The following CDH13 variants were observed in gnomAD, a reference collection of about 807,000 sequenced individuals.
CDH13 encodes the protein cadherin 13.
A neutral mutation model predicts 63.8 loss-of-function variants in CDH13; 24 were observed. That is an observed-to-expected ratio of 0.38 (90% confidence interval 0.27 to 0.53). CDH13 has a LOEUF of 0.53. Among genes scored for constraint, CDH13 ranks in the 20% least tolerant of loss-of-function variants. The probability of loss-of-function intolerance (pLI) is 0.85; values close to 1 mark genes in which losing one functional copy is unlikely to be tolerated. For missense variants in CDH13, 1,049 were observed against 903.1 expected (o/e 1.16, Z -2.07); for synonymous variants, 503 against 355.3 (o/e 1.42, Z -4.67).
At chr16:82,636,340 G>C (rs949555754) in intron 1 of CDH13, among the ~76,000 whole-genome samples, 2 of 152,020 alleles carry the variant, frequency 1.3e-5, no homozygotes, top group African/African-American at 4.8e-5. Context: ...GGCACCTAAG[G>C]CCTGCATTAC....
intron 5 of CDH13, among the ~76,000 whole-genome samples, chr16:83,226,321 T>C (rs1390284515): frequency 6.6e-6 from 1 of 152,212 alleles, no homozygotes; most frequent in Non-Finnish European, 1.5e-5. Flanking sequence ...TGACTGATTA[T>C]TTATTTGGTC....
In CDH13 at chr16:83,031,239, A is replaced by G. The variant is rs540634674; in HGVS notation, c.158-771A>G. 1.9e-4 allele frequency among the ~76,000 whole-genome samples: 28 copies of G among 146,384 alleles called. 1 individual carries two copies. The highest frequency in any genetic ancestry group is 6.7e-4 in the African/African-American group (27 of 40,176). On this transcript the variant is annotated intron_variant, in intron 2 of 13. Transcript: ENST00000567109. ...ATATACATGCGCATGTATACACCATATACATGCGCATGTATACACCATATA... is the reference window on the plus strand; with the variant it reads ...ATATACATGCGCATGTATACACCATGTACATGCGCATGTATACACCATATA...
At chr16:83,300,739 T>C (rs1312017494) in intron 5 of CDH13, among the ~76,000 whole-genome samples, 1 of 152,240 alleles carries the variant, frequency 6.6e-6, no homozygotes, top group East Asian at 1.9e-4. Context: ...GAAAAGGTTA[T>C]AGATCATGAT....
At chr16:83,548,925 T>G (rs891870830) in intron 7 of CDH13, among the ~76,000 whole-genome samples, 50 of 152,332 alleles carry the variant, frequency 3.3e-4, no homozygotes, top group African/African-American at 1.2e-3. Context: ...GAATTTCATC[T>G]GAGTATTTTC....
chr16:83,136,373 C>G (rs2036285816), intron 4 of CDH13, among the ~76,000 whole-genome samples: 1 of 151,080 alleles, frequency 6.6e-6, no homozygotes, highest in East Asian at 2.0e-4. Flanking sequence ...GTAGTCCCAG[C>G]TACTCGGGAG....
At position 82,679,433 on chromosome 16, in the gene CDH13, C is replaced by T. The variant is rs542446262; in HGVS notation, c.45+52296C>T. Among the ~76,000 whole-genome samples, 3 of 152,286 alleles carry T rather than the reference C, an allele frequency of 2.0e-5. No individual in the cohort carries two copies. The South Asian group carries it at 6.2e-4, about 32-fold the overall frequency. ...ACTTTCAAAGGTTTGCAAAGATTTA[C>T]CTCCTACTAAAATGGCTTGTGAGCA... is the stretch of plus-strand genomic sequence containing the variant. On this transcript the variant is annotated intron_variant, in intron 1 of 13. Coordinates refer to ENST00000567109, the MANE Select transcript of CDH13 (RefSeq NM_001257.5).
intron 5 of CDH13, among the ~76,000 whole-genome samples, chr16:83,303,431 A>G (rs2089797210): frequency 1.3e-5 from 2 of 152,182 alleles, no homozygotes; most frequent in Admixed American, 1.3e-4. Context: ...GGGGGAATGA[A>G]TAAGCCCAGT....
chr16:82,947,856 C>A (rs745807199), intron 2 of CDH13, among the ~76,000 whole-genome samples: 3 of 152,084 alleles, frequency 2.0e-5, no homozygotes, highest in Non-Finnish European at 2.9e-5. Context: ...GAAACCCTGA[C>A]AAGAATGAGT....
intron 3 of CDH13, among the ~76,000 whole-genome samples, chr16:83,067,289 G>A (rs375548442): frequency 5.8e-4 from 89 of 152,206 alleles, no homozygotes; most frequent in African/African-American, 1.8e-3. Flanking sequence ...AGTGGTTAAC[G>A]GCACGGGCTG....
intron 5 of CDH13, among the ~76,000 whole-genome samples, chr16:83,219,871 T>G (rs981916054): frequency 1.3e-5 from 2 of 152,220 alleles, no homozygotes; most frequent in Non-Finnish European, 2.9e-5. Context: ...TTCTAGTTCT[T>G]TGTTTCGGAA....
rs756869425 is a variant in CDH13, at chr16:83,241,185, A to G, written c.636+23688A>G. 4.4e-4 allele frequency among the ~76,000 whole-genome samples: 67 copies of G among 152,310 alleles called. 1 individual carries two copies. The highest frequency in any genetic ancestry group is 3.4e-3 in the Admixed American group (52 of 15,300). The stretch of plus-strand genomic sequence containing the variant: ...TTTTCTTCTTTTTCAAGAATGCATC[A>G]TAGTTCATTGTGTGGATATACCACA... On this transcript the variant is annotated intron_variant, in intron 5 of 13. Transcript: ENST00000567109.
chr16:83,701,041 T>A (rs1906143765), intron 10 of CDH13, among the ~76,000 whole-genome samples: 1 of 152,204 alleles, frequency 6.6e-6, no homozygotes, highest in Non-Finnish European at 1.5e-5. Flanking sequence ...GGCCCTGAGC[T>A]GGGGGATTCT....
chr16:82,839,255 G>C (rs1443813673), intron 1 of CDH13, among the ~76,000 whole-genome samples: 1 of 152,186 alleles, frequency 6.6e-6, no homozygotes, highest in Non-Finnish European at 1.5e-5. Flanking sequence ...TTTGGGTCTG[G>C]AAATTGTTTC....
intron 1 of CDH13, among the ~76,000 whole-genome samples, chr16:82,685,452 C>T (rs545413481): frequency 5.3e-5 from 8 of 152,168 alleles, no homozygotes; most frequent in Non-Finnish European, 1.2e-4. Context: ...ACACTATCAC[C>T]TTGGGGGTTA....
chr16:82,789,568 A>G (rs966273827), intron 1 of CDH13, among the ~76,000 whole-genome samples: 2 of 152,192 alleles, frequency 1.3e-5, no homozygotes, highest in East Asian at 1.9e-4. Context: ...TTCAAAGGCC[A>G]TTCTGGGCTG....
chr16:83,351,842 G>C (rs1422479220), intron 6 of CDH13, among the ~76,000 whole-genome samples: 1 of 152,202 alleles, frequency 6.6e-6, no homozygotes, highest in Non-Finnish European at 1.5e-5. Flanking sequence ...GCTTGTTCAT[G>C]CAGCAGGATA....
chr16:82,947,621 C>T (rs867811680), intron 2 of CDH13, among the ~76,000 whole-genome samples: 19 of 152,140 alleles, frequency 1.2e-4, no homozygotes, highest in Non-Finnish European at 2.5e-4. Context: ...AAGGAGGAAA[C>T]TTAACAAATT....
At chr16:83,082,748 G>A (rs760055545) in intron 3 of CDH13, among the ~76,000 whole-genome samples, 28 of 152,246 alleles carry the variant, frequency 1.8e-4, no homozygotes, top group Non-Finnish European at 4.0e-4. Context: ...GGCTGTAGAA[G>A]TAAGTACAGA....
At chr16:83,281,225 A>G (rs1248001193) in intron 5 of CDH13, among the ~76,000 whole-genome samples, 1 of 152,222 alleles carries the variant, frequency 6.6e-6, no homozygotes, top group Non-Finnish European at 1.5e-5. Flanking sequence ...TGCAGCTTCT[A>G]TATCAGCACT....
Sources: allele counts gnomAD v4.1 joint callset (sites outside exome capture counted in the v4.1 genomes callset), GRCh38; gene constraint gnomAD v4.1.1; transcripts MANE v1.5; gene names NCBI Gene and HGNC (gene_info 2026-07-23, HGNC 2026-07-21).